Variants in ACSM2B observed in about 807,000 individuals in gnomAD.
ACSM2B encodes acyl-CoA synthetase medium chain family member 2B.
Under a neutral mutation model 78.6 loss-of-function variants are expected in ACSM2B, and 58 were observed. The observed-to-expected ratio is 0.74, with a 90% CI of 0.60 to 0.92. The LOEUF is 0.92. Among genes scored for constraint, ACSM2B ranks in the 40% least tolerant of loss-of-function variants. The pLI is 0.00. For missense variants in ACSM2B, 688 were observed against 711.2 expected, an observed-to-expected ratio of 0.97 and a Z score of 0.37; for synonymous variants, 257 against 256.8, an observed-to-expected ratio of 1.00 and a Z score of -0.01.
Position 20,545,219 on chromosome 16 carries a change from C to A in ACSM2B, c.1219G>T (p.Glu407Ter), listed in dbSNP as rs1466161871. The A allele has an allele frequency of 1.2e-6, 2 of 1,613,992 alleles. No homozygotes were observed. The highest frequency in any genetic ancestry group is 3.3e-5 in the Admixed American group (2 of 60,018). Residue 407 changes from glutamate to a stop codon, truncating the protein, a stop_gained, in exon 10 of 14, where the codon GAA becomes TAA. Coordinates refer to ENST00000329697, the MANE Select transcript of ACSM2B (RefSeq NM_001105069.2). LOFTEE classifies it high-confidence loss of function. Reference sequence around the variant, plus strand: ...TTGACCCTGATGCCAATGTCTCCTTCTGTGCCGGGGGGCAGGACGTTGCCC... The same window carrying A: ...TTGACCCTGATGCCAATGTCTCCTTATGTGCCGGGGGGCAGGACGTTGCCC... ...DKGNVLPPGT[E>*]GDIGIRVKPI...
At chr16:20,555,926 C>T (rs2015460571) in intron 3 of ACSM2B, among the ~76,000 whole-genome samples, 2 of 152,104 alleles carry the variant, frequency 1.3e-5, no homozygotes, top group South Asian at 4.2e-4. Flanking sequence ...ACATTAAATG[C>T]ATTTTTCTTA....
intron 2 of ACSM2B, among the ~76,000 whole-genome samples, chr16:20,563,656 T>C (rs1374177203): frequency 6.6e-6 from 1 of 151,450 alleles, no homozygotes; most frequent in East Asian, 1.9e-4. Flanking sequence ...TGAACCTTAT[T>C]TTTTTTAAGA....
intron 9 of ACSM2B, among the ~76,000 whole-genome samples, 198 bp from the exon 10 acceptor site, chr16:20,545,456 C>T (rs2015109467): frequency 6.6e-6 from 1 of 152,142 alleles, no homozygotes; most frequent in Non-Finnish European, 1.5e-5. Context: ...TTAGGTGAAT[C>T]CTTTTATTGA....
At chr16:20,537,474 G>A (rs974416234) in intron 13 of ACSM2B, 112 bp from the exon 14 acceptor site, 2 of 1,208,060 alleles carry the variant, frequency 1.7e-6, no homozygotes, top group East Asian at 2.4e-5. Context: ...CCACTTCAGG[G>A]TAGCCGCCCT....
chr16:20,545,172 G>T lies in ACSM2B; in HGVS notation c.1266C>A (p.Ile422=), dbSNP rs141823499. 155 of 1,613,034 alleles carry T rather than the reference G, an allele frequency of 9.6e-5. No homozygotes were observed. The highest frequency in any genetic ancestry group is 1.3e-4 in the Non-Finnish European group (152 of 1,179,218). The change falls in exon 10 of 14, where the codon ATC becomes ATA. Residue 422 remains isoleucine (I), a synonymous_variant. Coordinates refer to ENST00000329697, the MANE Select transcript of ACSM2B (RefSeq NM_001105069.2). ...IRVKPIRPIG[I]FSGYVENPDK... The stretch of plus-strand genomic sequence containing the variant: ...AGTTTCTCACCACATAGCCAGAGAA[G>T]ATGCCTATAGGCCTGATGGGTTTGA...
intron 1 of ACSM2B, among the ~76,000 whole-genome samples, chr16:20,566,920 A>G (rs1227177299): frequency 8.4e-6 from 1 of 118,362 alleles, no homozygotes; most frequent in Admixed American, 1.2e-4. Flanking sequence ...GTATAGTTAT[A>G]TATATCTGTA....
intron 12 of ACSM2B, chr16:20,542,704 T>C (rs1830003291): frequency 1.6e-6 from 1 of 628,504 alleles, no homozygotes; most frequent in African/African-American, 1.8e-5. Context: ...TTAGCACATT[T>C]AACCCTCATA....
chr16:20,537,467 C>A (rs2014875940), intron 13 of ACSM2B, 105 bp from the exon 14 acceptor site: 1 of 1,321,598 alleles, frequency 7.6e-7, no homozygotes, highest in Non-Finnish European at 1.1e-6. Flanking sequence ...GCTGGAGCCA[C>A]TTCAGGGTAG....
intron 1 of ACSM2B, among the ~76,000 whole-genome samples, chr16:20,566,582 C>T (rs1301725429): frequency 1.4e-4 from 13 of 91,036 alleles, no homozygotes; most frequent in African/African-American, 5.8e-4. Flanking sequence ...GATATGTTAT[C>T]TATAAATATA....
chr16:20,566,718 G>C lies in ACSM2B; in HGVS notation c.-8-1865C>G, dbSNP rs1025656581. On this transcript the variant is annotated intron_variant, in intron 1 of 13. Coordinates refer to ENST00000329697, the MANE Select transcript of ACSM2B (RefSeq NM_001105069.2). ...ATATAGTATATATATAGTATATATA[G>C]TATATACTATATATAGTATATACTA... 3.4e-3 allele frequency among the ~76,000 whole-genome samples: 17 copies of C among 5,010 alleles called. 1 individual carries two copies. The highest frequency in any genetic ancestry group is 8.8e-3 in the African/African-American group (12 of 1,362). 3.3% of individuals were successfully genotyped at this position (5,010 alleles called of 152,430 possible).
chr16:20,573,534 G>C (rs2016152693), intron 1 of ACSM2B, among the ~76,000 whole-genome samples: 1 of 140,410 alleles, frequency 7.1e-6, no homozygotes, highest in African/African-American at 2.9e-5. Context: ...AGTGTCCCCA[G>C]CTTCACCAGT....
intron 5 of ACSM2B, among the ~76,000 whole-genome samples, chr16:20,553,508 C>T (rs187344536): frequency 3.9e-5 from 6 of 152,308 alleles, no homozygotes; most frequent in East Asian, 3.9e-4. Context: ...GGGAAATGCA[C>T]GTAAGCCTTT....
chr16:20,553,912 G>A lies in ACSM2B; in HGVS notation c.605C>T (p.Ser202Phe). 1.2e-6 allele frequency: 2 copies of A among 1,613,664 alleles called. No homozygotes were observed. Among genetic ancestry groups the A allele is most frequent in the Non-Finnish European group, 1.7e-6 (2 of 1,179,738 alleles). The change falls in exon 5 of 14, where the codon TCC (serine) becomes TTC (phenylalanine). Residue 202 changes from serine to phenylalanine, a missense_variant. Transcript: ENST00000329697. ...AGTCTCCACACAGTGATGAGTGGTG[G>A]ATGCCTCACTGACAAAGACACAGAT... ...LNFKKLLNEASTTHHCVETGS... is the reference protein window; with the variant it reads ...LNFKKLLNEAFTTHHCVETGS...
At chr16:20,551,287 G>A (rs1264039231) in intron 6 of ACSM2B, among the ~76,000 whole-genome samples, 2 of 152,130 alleles carry the variant, frequency 1.3e-5, no homozygotes, top group African/African-American at 4.8e-5. Flanking sequence ...ATATGAATTG[G>A]ATGTTGTGTC....
intron 10 of ACSM2B, 128 bp downstream of exon 10, chr16:20,545,029 G>A: frequency 7.8e-7 from 1 of 1,280,426 alleles, no homozygotes; most frequent in Non-Finnish European, 1.0e-6. Flanking sequence ...ATACATTCTT[G>A]AAAACTGGAC....
chr16:20,544,936 G>GA (rs2015091480), intron 10 of ACSM2B: 11 of 1,068,036 alleles, frequency 1.0e-5, no homozygotes, highest in African/African-American at 1.6e-5. Flanking sequence ...GCTAACTGAA[G>GA]AAAAATAAGT....
chr16:20,548,193 A>G lies in ACSM2B; in HGVS notation c.975-8T>C, dbSNP rs773369239. On this transcript the variant is annotated splice_region_variant and splice_polypyrimidine_tract_variant and intron_variant, in intron 7 of 13. Coordinates refer to ENST00000329697, the MANE Select transcript of ACSM2B (RefSeq NM_001105069.2). ...AGATGGGGGAACTTGTAACTGAAGA[A>G]GAGAAATAAATGTTTGCCCTCAGCC... 6.2e-7 allele frequency: 1 copy of G among 1,614,060 alleles called. No individual in the cohort carries two copies. The highest frequency in any genetic ancestry group is 1.7e-5 in the Admixed American group (1 of 60,022).
chr16:20,571,756 A>G (rs9926859), intron 1 of ACSM2B, among the ~76,000 whole-genome samples: 41,338 of 133,874 alleles, frequency 0.31, 5,692 homozygotes, highest in East Asian at 0.67. Flanking sequence ...GAGCTCCAGT[A>G]TTAGGTGCAT....
rs369392849 is a variant in ACSM2B at position 20,537,313 on chromosome 16, C to T, written c.1679G>A (p.Arg560Gln). 31 of 1,613,966 alleles carry T rather than the reference C, an allele frequency of 1.9e-5. No individual in the cohort carries two copies. The highest frequency in any genetic ancestry group is 1.7e-4 in the Middle Eastern group (1 of 6,058). The change falls in exon 14 of 14, where the codon CGA becomes CAA. Residue 560 changes from arginine (R) to glutamine (Q), a missense_variant. By Grantham distance (43) the Arg-to-Gln change is conservative. Coordinates refer to ENST00000329697, the MANE Select transcript of ACSM2B (RefSeq NM_001105069.2). Reference protein sequence around the residue: ...LPKTVTGKIQRTKLRDKEWKM... With the variant: ...LPKTVTGKIQQTKLRDKEWKM... ...CCACTCCTTGTCTCGAAGTTTGGTT[C>T]GTTGAATTTTCCCTGTGACAGTCTT...
Sources: allele counts gnomAD v4.1 joint callset (sites outside exome capture counted in the v4.1 genomes callset), GRCh38; gene constraint gnomAD v4.1.1; transcripts MANE v1.5; gene names NCBI Gene and HGNC (gene_info 2026-07-23, HGNC 2026-07-21).